SEL1L: variants seen among roughly 807,000 people sequenced by gnomAD.
The protein encoded by SEL1L is SEL1L adaptor subunit of SYVN1 ubiquitin ligase.
In SEL1L, 52 loss-of-function variants were observed where a neutral mutation model predicts 109.8. The ratio of observed to expected loss-of-function variants is 0.47; its 90% CI spans 0.38 to 0.60. SEL1L has a LOEUF of 0.60. Among genes scored for constraint, SEL1L ranks in the 20% least tolerant of loss-of-function variants. SEL1L has a pLI of 0.00. For missense variants in SEL1L, 749 were observed against 962.2 expected, an observed-to-expected ratio of 0.78 and a Z score of 2.93; for synonymous variants, 373 against 339.6, an observed-to-expected ratio of 1.10 and a Z score of -1.08.
At chr14:81,527,867 A>T (rs1715063751) in intron 1 of SEL1L, 129 bp from the exon 2 acceptor site, 1 of 604,856 alleles carries the variant, frequency 1.7e-6, no homozygotes, top group Non-Finnish European at 2.8e-6. Flanking sequence ...GAATTATTTT[A>T]AAGTTAGCTA....
chr14:81,477,171 A>G lies in SEL1L; in HGVS notation c.2186T>C (p.Met729Thr), dbSNP rs1453796204. Residue 729 changes from methionine to threonine, a missense_variant, in exon 21 of 21, where the codon ATG becomes ACG. Physicochemically the swap from Met to Thr is moderately conservative, Grantham distance 81 (BLOSUM62 -1). Transcript: ENST00000336735. ...QYIRETNIRD[M>T]FTQLDMDQLL... is the part of the protein sequence containing the mutation. ...CTGGTCCATATCAAGTTGGGTGAAC[A>G]TATCTCGAATCTTAATGAAAATAAT... The G allele has an allele frequency of 3.7e-6, 6 of 1,613,406 alleles. No individual in the cohort carries two copies. Among genetic ancestry groups the G allele is most frequent in the Non-Finnish European group, 4.2e-6 (5 of 1,179,456 alleles).
chr14:81,519,342 A>G (rs992886231), intron 3 of SEL1L, among the ~76,000 whole-genome samples: 1 of 152,202 alleles, frequency 6.6e-6, no homozygotes, highest in Non-Finnish European at 1.5e-5. Flanking sequence ...ACACAACTCT[A>G]CACTGAGTCC....
chr14:81,500,877 T>C (rs372904417), intron 6 of SEL1L, among the ~76,000 whole-genome samples: 139 of 152,294 alleles, frequency 9.1e-4, no homozygotes, highest in African/African-American at 3.2e-3. Flanking sequence ...AATAATGCAT[T>C]GGTGAAGTTC....
At chr14:81,523,470 A>T (rs1885002124) in intron 3 of SEL1L, among the ~76,000 whole-genome samples, 1 of 152,096 alleles carries the variant, frequency 6.6e-6, no homozygotes, top group Non-Finnish European at 1.5e-5. Flanking sequence ...CCTCTCTTCC[A>T]TCTGGCTTTT....
At chr14:81,479,927 A>G (rs1440804325) in intron 19 of SEL1L, among the ~76,000 whole-genome samples, 187 bp from the exon 20 acceptor site, 2 of 152,224 alleles carry the variant, frequency 1.3e-5, no homozygotes, top group African/African-American at 4.8e-5. Flanking sequence ...CTTAATATTG[A>G]AAAACTTAAT....
intron 1 of SEL1L, among the ~76,000 whole-genome samples, chr14:81,532,382 C>G (rs907121860): frequency 2.0e-5 from 3 of 152,214 alleles, no homozygotes; most frequent in African/African-American, 7.2e-5. Context: ...AGCAGGTACT[C>G]TACTCATTAA....
intron 3 of SEL1L, among the ~76,000 whole-genome samples, chr14:81,509,746 A>C (rs765579800): frequency 1.3e-5 from 2 of 152,192 alleles, no homozygotes; most frequent in Non-Finnish European, 2.9e-5. Context: ...TCTCTTCAAG[A>C]GGGGGCATTT....
Position 81,499,481 on chromosome 14 carries a change from T to C in SEL1L, c.869A>G (p.Asn290Ser), listed in dbSNP as rs754124452. ...VYYTFGALGGNLIAHMVLGYR... is the reference protein window; with the variant it reads ...VYYTFGALGGSLIAHMVLGYR... ...TACCAAAACCATGTGGGCTATTAGA[T>C]TGCCCCCAAGAGCTCCAAATGTATA... Residue 290 changes from asparagine (N) to serine (S), a missense_variant, in exon 8 of 21, where the codon AAT (asparagine) becomes AGT (serine). Asn to Ser is a conservative substitution (Grantham distance 46). Transcript: ENST00000336735. The C allele has an allele frequency of 6.2e-6, 10 of 1,612,426 alleles. No homozygotes were observed. The Admixed American group carries it at 1.0e-4, about 16-fold the overall frequency.
intron 3 of SEL1L, among the ~76,000 whole-genome samples, chr14:81,516,495 T>C (rs1313088896): frequency 6.6e-6 from 1 of 152,192 alleles, no homozygotes; most frequent in Non-Finnish European, 1.5e-5. Flanking sequence ...TACATGAATA[T>C]GGGGAACAAG....
At chr14:81,484,517 CA>C in intron 18 of SEL1L, 120 bp from the exon 19 acceptor site, 1 of 937,736 alleles carries the variant, frequency 1.1e-6, no homozygotes, top group Non-Finnish European at 1.6e-6. Flanking sequence ...TCATAGTACA[CA>C]AACTTTGTAA....
intron 4 of SEL1L, 148 bp from the exon 5 acceptor site, chr14:81,504,454 C>G: frequency 2.2e-6 from 1 of 456,106 alleles, no homozygotes; most frequent in Non-Finnish European, 3.8e-6. Flanking sequence ...TTAAGTGTGG[C>G]CTTTACATGA....
chr14:81,532,343 G>T (rs1272698176), intron 1 of SEL1L, among the ~76,000 whole-genome samples: 3 of 152,172 alleles, frequency 2.0e-5, no homozygotes, highest in African/African-American at 7.2e-5. Flanking sequence ...ACCCATAAGA[G>T]GAATTCTGAT....
chr14:81,508,604 T>C (rs184410598), intron 3 of SEL1L, among the ~76,000 whole-genome samples: 13 of 152,142 alleles, frequency 8.5e-5, no homozygotes, highest in African/African-American at 2.4e-4. Context: ...AAAAATTAGC[T>C]GGGTGTGGCA....
At chr14:81,523,680 A>C (rs1885009482) in intron 3 of SEL1L, among the ~76,000 whole-genome samples, 1 of 152,034 alleles carries the variant, frequency 6.6e-6, no homozygotes, top group South Asian at 2.1e-4. Flanking sequence ...AGTAGCGGGG[A>C]CTGGTCTTGT....
At chr14:81,500,259 A>C (rs1476022242) in intron 6 of SEL1L, among the ~76,000 whole-genome samples, 1 of 151,966 alleles carries the variant, frequency 6.6e-6, no homozygotes, top group Non-Finnish European at 1.5e-5. Flanking sequence ...TCCGAGACAG[A>C]GTCTTGCTCT....
intron 11 of SEL1L, among the ~76,000 whole-genome samples, chr14:81,493,760 T>G (rs998056385): frequency 6.6e-6 from 1 of 152,178 alleles, no homozygotes; most frequent in African/African-American, 2.4e-5. Context: ...ATCTTCATAC[T>G]GCCAATCTAA....
chr14:81,513,667 T>G (rs1422072520), intron 3 of SEL1L, among the ~76,000 whole-genome samples: 3 of 152,184 alleles, frequency 2.0e-5, no homozygotes, highest in Non-Finnish European at 4.4e-5. Context: ...GGCTAAATAC[T>G]GGCACCTGTC....
At chr14:81,484,426 CAATA>C (rs778477391) in intron 18 of SEL1L, 29 bp from the exon 19 acceptor site, 53 of 1,583,810 alleles carry the variant, frequency 3.3e-5, no homozygotes, top group Non-Finnish European at 9.5e-6. Context: ...GCAGAACTGC[CAATA>C]AATAAAGTAT....
intron 20 of SEL1L, among the ~76,000 whole-genome samples, chr14:81,477,617 A>G (rs2087341565): frequency 6.6e-6 from 1 of 152,174 alleles, no homozygotes; most frequent in Admixed American, 6.5e-5. Flanking sequence ...GTTCAAGACC[A>G]GCCTGGCCAA....
Sources: gnomAD v4.1 joint callset for allele counts (sites outside exome capture counted in the v4.1 genomes callset) on GRCh38, gnomAD v4.1.1 for gene constraint, MANE v1.5 for transcripts, NCBI Gene and HGNC (gene_info 2026-07-23, HGNC 2026-07-21) for gene names.